Variants in CDKAL1 observed in about 807,000 individuals in gnomAD.
The protein encoded by CDKAL1 is threonylcarbamoyladenosine tRNA methylthiotransferase.
CDKAL1 carries 32 observed loss-of-function variants against 68.2 expected under a neutral mutation model. That is an observed-to-expected ratio of 0.47 (90% CI 0.35 to 0.63). The LOEUF (loss-of-function observed/expected upper bound fraction) is 0.63, where lower values mean the gene tolerates loss of function less well. Among genes scored for constraint, CDKAL1 ranks in the 30% least tolerant of loss-of-function variants. The pLI, the probability that CDKAL1 is intolerant of heterozygous loss-of-function variation, is 0.00. For missense variants in CDKAL1, 606 were observed against 696.7 expected (o/e 0.87, Z 1.47); for synonymous variants, 234 against 244.3 (o/e 0.96, Z 0.39).
At chr6:20,621,530 G>A (rs1387494869) in intron 4 of CDKAL1, among the ~76,000 whole-genome samples, 2 of 152,016 alleles carry the variant, frequency 1.3e-5, no homozygotes, top group East Asian at 1.9e-4. Context: ...TTAGAGTGGT[G>A]TATCTACATA....
chr6:21,194,258 A>G (rs1207514795), intron 13 of CDKAL1, among the ~76,000 whole-genome samples: 1 of 152,204 alleles, frequency 6.6e-6, no homozygotes, highest in Non-Finnish European at 1.5e-5. Flanking sequence ...CACACATTTT[A>G]TGAGAACCAT....
intron 8 of CDKAL1, among the ~76,000 whole-genome samples, chr6:20,794,983 G>A (rs1776049936): frequency 6.6e-6 from 1 of 152,150 alleles, no homozygotes; most frequent in Admixed American, 6.5e-5. Flanking sequence ...AAAACAGTGA[G>A]ATTATCTGTC....
At chr6:21,141,773 A>G (rs961668767) in intron 13 of CDKAL1, among the ~76,000 whole-genome samples, 1 of 152,156 alleles carries the variant, frequency 6.6e-6, no homozygotes. Flanking sequence ...TAAGACTGTG[A>G]ATGGGATATG....
intron 4 of CDKAL1, among the ~76,000 whole-genome samples, chr6:20,565,135 C>CTATATATATATCAAAAATATATATA (rs1764410271): frequency 6.6e-6 from 1 of 151,504 alleles, no homozygotes; most frequent in African/African-American, 2.4e-5. Flanking sequence ...CCCATCAAAG[C>CTATATATATATCAAAAATATATATA]TATCTATATA....
Position 20,853,723 on chromosome 6 carries a change from A to G in CDKAL1, c.742+7545A>G, listed in dbSNP as rs181272463. 4.3e-4 allele frequency among the ~76,000 whole-genome samples: 65 copies of G among 152,296 alleles called. No individual in the cohort carries two copies. In the East Asian group the frequency reaches 0.011, roughly 26 times the overall value. ...CATGGATGAGGGCTTTGCGTTTTCT[A>G]AAATACAGGTGACTGCAATGATAGT... On this transcript the variant is annotated intron_variant, in intron 9 of 15. Coordinates refer to ENST00000274695, the MANE Select transcript of CDKAL1 (RefSeq NM_017774.3).
At chr6:21,177,394 A>G (rs1407333778) in intron 13 of CDKAL1, among the ~76,000 whole-genome samples, 2 of 152,210 alleles carry the variant, frequency 1.3e-5, no homozygotes, top group African/African-American at 4.8e-5. Context: ...TAGAGAATGT[A>G]TCTGTTATCA....
intron 11 of CDKAL1, among the ~76,000 whole-genome samples, chr6:21,057,978 T>C (rs1374316347): frequency 3.3e-5 from 5 of 152,250 alleles, no homozygotes; most frequent in African/African-American, 7.2e-5. Flanking sequence ...CCAAGAAGAA[T>C]GTATATTCTC....
intron 4 of CDKAL1, among the ~76,000 whole-genome samples, chr6:20,644,181 G>A (rs1768324569): frequency 6.6e-6 from 1 of 150,968 alleles, no homozygotes; most frequent in Non-Finnish European, 1.5e-5. Flanking sequence ...AAATCAGATA[G>A]GCTCTTTAAG....
chr6:20,599,337 AT>A (rs1487446082), intron 4 of CDKAL1: 4 of 452,690 alleles, frequency 8.8e-6, no homozygotes, highest in Non-Finnish European at 1.8e-5. Context: ...ATACTTGGAA[AT>A]AAAATAATTT....
At chr6:20,935,408 C>G (rs1455303399) in intron 9 of CDKAL1, among the ~76,000 whole-genome samples, 4 of 151,486 alleles carry the variant, frequency 2.6e-5, no homozygotes, top group Non-Finnish European at 5.9e-5. Context: ...TTAAAGTTGC[C>G]CTGTATGGTG....
chr6:21,114,314 CA>C (rs955216311), intron 13 of CDKAL1, among the ~76,000 whole-genome samples: 2 of 148,914 alleles, frequency 1.3e-5, no homozygotes, highest in African/African-American at 2.5e-5. Flanking sequence ...GGTAAGGGAC[CA>C]AAAAAAATGT....
intron 8 of CDKAL1, among the ~76,000 whole-genome samples, chr6:20,813,701 T>C (rs1450026450): frequency 6.6e-6 from 1 of 152,188 alleles, no homozygotes; most frequent in East Asian, 1.9e-4. Context: ...TGTTGAAAGA[T>C]AATCCTTTCC....
chr6:21,037,182 T>G (rs1340651215), intron 11 of CDKAL1, among the ~76,000 whole-genome samples: 1 of 152,158 alleles, frequency 6.6e-6, no homozygotes, highest in Non-Finnish European at 1.5e-5. Context: ...GTAGAAGGCC[T>G]AGAACCCCAC....
intron 4 of CDKAL1, among the ~76,000 whole-genome samples, chr6:20,619,179 G>C (rs986627313): frequency 2.0e-5 from 3 of 152,058 alleles, no homozygotes; most frequent in Non-Finnish European, 4.4e-5. Flanking sequence ...CCTCAGATTT[G>C]TACTCCAAAG....
chr6:20,562,268 A>G (rs942088624), intron 4 of CDKAL1, among the ~76,000 whole-genome samples: 4 of 151,918 alleles, frequency 2.6e-5, no homozygotes, highest in Admixed American at 2.6e-4. Flanking sequence ...TTTTCTACCC[A>G]TGGAATAATG....
chr6:20,769,835 G>T (rs191026563), intron 7 of CDKAL1, among the ~76,000 whole-genome samples: 3 of 152,228 alleles, frequency 2.0e-5, no homozygotes. Flanking sequence ...TGGCATTACT[G>T]ATTATGCAGC....
chr6:20,792,366 TATGTAC>T (rs1433293951), intron 8 of CDKAL1, among the ~76,000 whole-genome samples: 2 of 152,218 alleles, frequency 1.3e-5, no homozygotes, highest in Non-Finnish European at 2.9e-5. Flanking sequence ...TTAAACAATG[TATGTAC>T]CTTTGTGATT....
chr6:21,150,004 C>T (rs1486969058), intron 13 of CDKAL1, among the ~76,000 whole-genome samples: 2 of 151,994 alleles, frequency 1.3e-5, no homozygotes, highest in East Asian at 3.9e-4. Flanking sequence ...ACTACAGGCG[C>T]CCACCACCAC....
intron 13 of CDKAL1, among the ~76,000 whole-genome samples, chr6:21,183,758 C>T (rs971803321): frequency 2.6e-5 from 4 of 152,098 alleles, no homozygotes; most frequent in African/African-American, 9.7e-5. Flanking sequence ...TGTTGGACCT[C>T]CTCCATATTA....
Sources: allele counts gnomAD v4.1 joint callset (sites outside exome capture counted in the v4.1 genomes callset), GRCh38; gene constraint gnomAD v4.1.1; transcripts MANE v1.5; gene names NCBI Gene and HGNC (gene_info 2026-07-23, HGNC 2026-07-21).